WDR37: variants seen among roughly 807,000 people sequenced by gnomAD.
WDR37 encodes WD repeat domain 37, also known as WD repeat-containing protein 37.
A neutral mutation model predicts 62.9 loss-of-function variants in WDR37; 19 were observed. The ratio of observed to expected loss-of-function variants is 0.30; its 90% CI spans 0.21 to 0.44. The LOEUF is 0.44. Among genes scored for constraint, WDR37 ranks in the 20% least tolerant of loss-of-function variants. The probability of loss-of-function intolerance (pLI) is 1.00; values close to 1 mark genes in which losing one functional copy is unlikely to be tolerated. For synonymous variants in WDR37, 250 were observed against 260.9 expected (o/e 0.96, Z 0.40); for missense variants, 474 against 657.6 (o/e 0.72, Z 3.05).
At chr10:1,118,610 G>C (rs1242835523) in intron 11 of WDR37, among the ~76,000 whole-genome samples, 1 of 152,234 alleles carries the variant, frequency 6.6e-6, no homozygotes, top group Non-Finnish European at 1.5e-5. Flanking sequence ...TGAGCTGCAG[G>C]GTTTCTGGTG....
Position 1,126,030 on chromosome 10 carries a change from G to A in WDR37, c.1353+1006G>A, listed in dbSNP as rs376645584. On this transcript the variant is annotated intron_variant, in intron 13 of 13. Coordinates refer to ENST00000263150, the MANE Select transcript of WDR37 (RefSeq NM_014023.4). The stretch of plus-strand genomic sequence containing the variant: ...GGCGGCTCTGCTGTGCTCTGCAGCC[G>A]GGCCTCACTATAATGTGGGTGGCGT... Among the ~76,000 whole-genome samples, 7 of 152,238 alleles carry A rather than the reference G, an allele frequency of 4.6e-5. No homozygotes were observed. The East Asian group carries it at 9.7e-4, about 21-fold the overall frequency.
intron 5 of WDR37, 86 bp from the exon 6 acceptor site, chr10:1,084,317 A>G (rs1834126312): frequency 6.6e-7 from 1 of 1,514,662 alleles, no homozygotes; most frequent in African/African-American, 1.4e-5. Context: ...TGCATTTTCC[A>G]AGACGTCTTT....
intron 9 of WDR37, chr10:1,096,707 G>T (rs1834593055): frequency 6.3e-6 from 1 of 158,560 alleles, no homozygotes; most frequent in African/African-American, 2.4e-5. Context: ...CAGAGCGGGG[G>T]CTGCTGGAGA....
chr10:1,062,825 C>T (rs1276502908), intron 1 of WDR37, among the ~76,000 whole-genome samples: 9 of 152,132 alleles, frequency 5.9e-5, no homozygotes, highest in African/African-American at 1.7e-4. Flanking sequence ...CAGTGGCTCA[C>T]GCCTGTAATC....
At chr10:1,060,838 A>C (rs1054595614) in intron 1 of WDR37, among the ~76,000 whole-genome samples, 2 of 151,918 alleles carry the variant, frequency 1.3e-5, no homozygotes, top group Admixed American at 1.3e-4. Flanking sequence ...GTTTAGGTAC[A>C]CAAATAGATA....
chr10:1,068,445 ACT>A (rs1027899251), intron 1 of WDR37, among the ~76,000 whole-genome samples: 4 of 151,402 alleles, frequency 2.6e-5, no homozygotes, highest in East Asian at 1.9e-4. Flanking sequence ...CGACAGCGAG[ACT>A]CTGTCTCAAA....
At chr10:1,095,508 G>A (rs960323284) in intron 8 of WDR37, among the ~76,000 whole-genome samples, 2 of 152,198 alleles carry the variant, frequency 1.3e-5, no homozygotes, top group East Asian at 1.9e-4. Context: ...TGCATCAAAT[G>A]TGCTGCATCA....
At chr10:1,098,533 C>T (rs1361415775) in intron 9 of WDR37, among the ~76,000 whole-genome samples, 1 of 152,212 alleles carries the variant, frequency 6.6e-6, no homozygotes, top group Admixed American at 6.5e-5. Flanking sequence ...TCACCACGTT[C>T]GCCAGACGGT....
At chr10:1,069,737 G>A (rs977195135) in intron 1 of WDR37, among the ~76,000 whole-genome samples, 1 of 151,880 alleles carries the variant, frequency 6.6e-6, no homozygotes, top group Non-Finnish European at 1.5e-5. Flanking sequence ...GCACCTAAAG[G>A]AATTTATATA....
At chr10:1,095,167 G>A (rs1472568755) in intron 8 of WDR37, among the ~76,000 whole-genome samples, 1 of 147,728 alleles carries the variant, frequency 6.8e-6, no homozygotes, top group Non-Finnish European at 1.5e-5. Flanking sequence ...AATGAACATG[G>A]AGAGGGGAGA....
At chr10:1,065,506 T>C (rs1833509692) in intron 1 of WDR37, among the ~76,000 whole-genome samples, 1 of 151,946 alleles carries the variant, frequency 6.6e-6, no homozygotes, top group Admixed American at 6.6e-5. Context: ...TGATACACCA[T>C]GAACAAGTGC....
At chr10:1,113,813 C>G (rs1835296811) in intron 11 of WDR37, among the ~76,000 whole-genome samples, 1 of 152,144 alleles carries the variant, frequency 6.6e-6, no homozygotes, top group African/African-American at 2.4e-5. Context: ...TGGGAAGGTA[C>G]TCTTGGTGAA....
At chr10:1,111,767 A>C (rs1337684333) in intron 11 of WDR37, among the ~76,000 whole-genome samples, 4 of 152,212 alleles carry the variant, frequency 2.6e-5, no homozygotes, top group African/African-American at 9.7e-5. Flanking sequence ...ATTTATATGA[A>C]AAGCAATTTT....
rs1835946458 is a variant in WDR37 at position 1,131,532 on chromosome 10, GC to G, written c.*2189del. The G allele has an allele frequency of 6.6e-6, 1 of 152,310 alleles. No individual in the cohort carries two copies. Among genetic ancestry groups the G allele is most frequent in the African/African-American group, 2.4e-5 (1 of 41,462 alleles). The allele number at this position is 152,310 out of a possible 1,614,324, so 9.4% of individuals were successfully genotyped here. On this transcript the variant is annotated 3_prime_UTR_variant, in exon 14 of 14. Transcript: ENST00000263150. ...GAGGGACCTCAGAAACTGGACTCCT[GC>G]ATGTCCTTGGGGGCGCAGCCCTGTG... is the stretch of plus-strand genomic sequence containing the variant.
At chr10:1,104,537 T>G (rs1024568572) in intron 10 of WDR37, among the ~76,000 whole-genome samples, 1 of 152,238 alleles carries the variant, frequency 6.6e-6, no homozygotes, top group Non-Finnish European at 1.5e-5. Flanking sequence ...GAAGTCAAAG[T>G]CAACTCATTT....
chr10:1,119,347 G>A (rs892923480), intron 11 of WDR37, among the ~76,000 whole-genome samples: 1 of 152,224 alleles, frequency 6.6e-6, no homozygotes, highest in Non-Finnish European at 1.5e-5. Context: ...AAGCTCTTCA[G>A]CTAGCAGAAG....
At chr10:1,071,265 C>CTT (rs1161964536) in intron 1 of WDR37, among the ~76,000 whole-genome samples, 2 of 152,118 alleles carry the variant, frequency 1.3e-5, no homozygotes, top group African/African-American at 4.8e-5. Flanking sequence ...GTCAGGCATT[C>CTT]TTTGACAGTG....
At position 1,105,588 on chromosome 10, in the gene WDR37, C is replaced by T. The variant is rs143894504; in HGVS notation, c.1103+321C>T. 5.0e-3 allele frequency among the ~76,000 whole-genome samples: 756 copies of T among 152,240 alleles called. 7 individuals carry two copies. The highest frequency in any genetic ancestry group is 0.018 in the African/African-American group (729 of 41,556). The stretch of plus-strand genomic sequence containing the variant: ...TGTAGCTGAGCACAGGGGCCGGCCA[C>T]GCCACCATAGGAGCCGCGGGAGCTG... On this transcript the variant is annotated intron_variant, in intron 11 of 13. Coordinates refer to ENST00000263150, the MANE Select transcript of WDR37 (RefSeq NM_014023.4). This position sits in a 1 kb window ranked among gnomAD's most constrained non-coding sequence, Gnocchi z 5.3.
chr10:1,086,244 T>C (rs1040274035), intron 6 of WDR37, 42 bp from the exon 7 acceptor site: 2 of 1,546,102 alleles, frequency 1.3e-6, no homozygotes, highest in Non-Finnish European at 1.8e-6. Context: ...AACTATAAAC[T>C]GATGATAGCT....
Sources: gnomAD v4.1 joint callset for allele counts (sites outside exome capture counted in the v4.1 genomes callset) on GRCh38, gnomAD v4.1.1 for gene constraint, Gnocchi (gnomAD v3.1) non-coding constraint, MANE v1.5 for transcripts, NCBI Gene and HGNC (gene_info 2026-07-23, HGNC 2026-07-21) for gene names.